Variants in PDZD2 observed in about 807,000 individuals in gnomAD.
PDZD2 encodes the protein PDZ domain containing 2.
Under a neutral mutation model 220.7 loss-of-function variants are expected in PDZD2, and 90 were observed. That is an observed-to-expected ratio of 0.41 (90% confidence interval 0.34 to 0.49). The LOEUF is 0.49. PDZD2 is among the 20% of genes least tolerant of loss of function. The pLI is 0.28. For synonymous variants in PDZD2, 1,375 were observed against 1,450.5 expected (o/e 0.95, Z 1.18); for missense variants, 3,174 against 3,608.5 (o/e 0.88, Z 3.08).
intron 2 of PDZD2, among the ~76,000 whole-genome samples, chr5:31,857,943 C>T (rs989066701): frequency 6.6e-6 from 1 of 152,196 alleles, no homozygotes; most frequent in African/African-American, 2.4e-5. Context: ...TCTCCTGCCT[C>T]ACACCCCGAG....
At chr5:31,755,588 AT>A (rs954949729) in intron 1 of PDZD2, among the ~76,000 whole-genome samples, 3 of 146,398 alleles carry the variant, frequency 2.0e-5, no homozygotes, top group East Asian at 4.0e-4. Context: ...AGATCACTTA[AT>A]TTTTTTTTAA....
At position 31,853,447 on chromosome 5, in the gene PDZD2, G is replaced by C. The variant is rs77033802; in HGVS notation, c.476+53723G>C. Among the ~76,000 whole-genome samples, 61 of 152,286 alleles carry C rather than the reference G, an allele frequency of 4.0e-4. 2 individuals carry two copies. In the East Asian group the frequency reaches 0.012, roughly 29 times the overall value. On this transcript the variant is annotated intron_variant, in intron 2 of 24. Coordinates refer to ENST00000438447, the MANE Select transcript of PDZD2 (RefSeq NM_178140.4). ...TACCATGACCTGACACTCCTTGCCT[G>C]TTTCTGGGTTGGCTGTTGTGCCCAC...
At chr5:31,952,152 G>A (rs1253367320) in intron 2 of PDZD2, among the ~76,000 whole-genome samples, 1 of 152,166 alleles carries the variant, frequency 6.6e-6, no homozygotes, top group African/African-American at 2.4e-5. Context: ...CTCTTTTTAA[G>A]TACTGTTTTC....
At chr5:31,878,855 C>A (rs112111793) in intron 2 of PDZD2, among the ~76,000 whole-genome samples, 8,534 of 150,872 alleles carry the variant, frequency 0.057, 455 homozygotes, top group African/African-American at 0.14. Context: ...GCCACCGCGC[C>A]GGGCCGACCT....
intron 2 of PDZD2, among the ~76,000 whole-genome samples, chr5:31,938,661 GA>G (rs750714770): frequency 2.1e-5 from 3 of 144,646 alleles, no homozygotes; most frequent in South Asian, 2.4e-4. Flanking sequence ...TGCCACTTTG[GA>G]AAAAAAAAAG....
intron 2 of PDZD2, among the ~76,000 whole-genome samples, chr5:31,906,266 TTTGTTG>T (rs143698376): frequency 4.2e-5 from 6 of 143,294 alleles, no homozygotes; most frequent in South Asian, 2.3e-4. Context: ...GTTCGCTGAT[TTTGTTG>T]TTGTTGTTGT....
intron 8 of PDZD2, 35 bp from the exon 9 acceptor site, chr5:32,052,576 A>G: frequency 6.2e-7 from 1 of 1,606,558 alleles, no homozygotes; most frequent in South Asian, 1.1e-5. Context: ...AACAAATGAG[A>G]GTAATCTCTG....
intron 2 of PDZD2, chr5:31,832,675 G>A (rs1756683229): frequency 6.6e-6 from 1 of 152,152 alleles, no homozygotes; most frequent in Non-Finnish European, 1.5e-5. Context: ...AATAAGCCAG[G>A]CACGGTGGCG....
At chr5:31,810,310 TGGAGTGCAGTG>T (rs1329591010) in intron 2 of PDZD2, among the ~76,000 whole-genome samples, 2 of 150,264 alleles carry the variant, frequency 1.3e-5, no homozygotes, top group Non-Finnish European at 2.9e-5. Flanking sequence ...TCGCCCAGGC[TGGAGTGCAGTG>T]GCGCGATCTC....
chr5:31,739,568 T>C (rs1750127511), intron 1 of PDZD2, among the ~76,000 whole-genome samples: 1 of 152,084 alleles, frequency 6.6e-6, no homozygotes, highest in South Asian at 2.1e-4. Flanking sequence ...GATTAAAAGA[T>C]AAAAATAAAA....
chr5:31,920,109 C>T (rs2150378334), intron 2 of PDZD2, among the ~76,000 whole-genome samples: 1 of 151,928 alleles, frequency 6.6e-6, no homozygotes, highest in African/African-American at 2.4e-5. Context: ...CGTGACAAAA[C>T]CACGTCTCTA....
At chr5:31,881,206 T>C (rs147753656) in intron 2 of PDZD2, among the ~76,000 whole-genome samples, 1 of 152,216 alleles carries the variant, frequency 6.6e-6, no homozygotes, top group Non-Finnish European at 1.5e-5. Flanking sequence ...CTAGGAGTTC[T>C]AAGACCTACA....
In PDZD2 at chr5:31,688,450, G is replaced by A. The variant is rs758425016; in HGVS notation, c.-361+49013G>A. On this transcript the variant is annotated intron_variant, in intron 1 of 24. Coordinates refer to ENST00000438447, the MANE Select transcript of PDZD2 (RefSeq NM_178140.4). ...TACAGTCTCCAGCTGTAAGCACGAA[G>A]AGCAAACCAGCACCTTGGCTTCTTA... 3.4e-4 allele frequency among the ~76,000 whole-genome samples: 52 copies of A among 152,140 alleles called. 1 individual carries two copies. The highest frequency in any genetic ancestry group is 1.0e-4 in the Non-Finnish European group (7 of 68,026).
chr5:32,014,939 CTTT>C (rs746683258), intron 6 of PDZD2, among the ~76,000 whole-genome samples: 6 of 94,006 alleles, frequency 6.4e-5, no homozygotes, highest in East Asian at 3.0e-4. Context: ...CAATCTCTCT[CTTT>C]TTTTTTTTTT....
intron 1 of PDZD2, among the ~76,000 whole-genome samples, chr5:31,650,694 C>T (rs568301526): frequency 1.1e-3 from 167 of 152,250 alleles, no homozygotes; most frequent in Admixed American, 7.2e-4. Context: ...TCTTTGAACC[C>T]TTAAAGGGAA....
chr5:31,740,068 T>G (rs1750153909), intron 1 of PDZD2, among the ~76,000 whole-genome samples: 1 of 152,200 alleles, frequency 6.6e-6, no homozygotes, highest in Non-Finnish European at 1.5e-5. Flanking sequence ...CCCATCTGCT[T>G]TTGCTTTGGC....
chr5:31,788,092 C>T (rs1166681974), intron 1 of PDZD2, among the ~76,000 whole-genome samples: 12 of 152,180 alleles, frequency 7.9e-5, no homozygotes, highest in Admixed American at 3.9e-4. Context: ...TCTCCCAGGC[C>T]GGGCGCCGTG....
In PDZD2 at chr5:32,089,721, A is replaced by G; in HGVS notation, c.6273A>G (p.Lys2091=). 2 of 1,614,192 alleles carry G rather than the reference A, an allele frequency of 1.2e-6. No individual in the cohort carries two copies. The highest frequency in any genetic ancestry group is 1.7e-6 in the Non-Finnish European group (2 of 1,180,040). Reference sequence around the variant, plus strand: ...GCCTCGAAAGAACAAACCAGCTGAAAATCGTGGAGATTTCTGCTGAAGCAG... The same window carrying G: ...GCCTCGAAAGAACAAACCAGCTGAAGATCGTGGAGATTTCTGCTGAAGCAG... ...SDRLERTNQL[K]IVEISAEAVS... is the part of the protein sequence containing the mutation. The change falls in exon 20 of 25, where the codon AAA becomes AAG. Residue 2091 remains lysine (K), a synonymous_variant. Transcript: ENST00000438447.
At chr5:32,020,661 T>A (rs1157358526) in intron 6 of PDZD2, among the ~76,000 whole-genome samples, 1 of 151,762 alleles carries the variant, frequency 6.6e-6, no homozygotes, top group Non-Finnish European at 1.5e-5. Context: ...TTTCTTTTTT[T>A]TTTGAGACAG....
Sources: gnomAD v4.1 joint callset for allele counts (sites outside exome capture counted in the v4.1 genomes callset) on GRCh38, gnomAD v4.1.1 for gene constraint, MANE v1.5 for transcripts, NCBI Gene and HGNC (gene_info 2026-07-23, HGNC 2026-07-21) for gene names.